The following MED19 variants were observed in gnomAD, a reference collection of about 807,000 sequenced individuals.
The protein encoded by MED19 is mediator complex subunit 19, also known as mediator of RNA polymerase II transcription subunit 19.
A neutral mutation model predicts 19.9 loss-of-function variants in MED19; 4 were observed. The observed-to-expected ratio is 0.20, with a 90% CI of 0.10 to 0.46. The LOEUF (loss-of-function observed/expected upper bound fraction) is 0.46. Ranked by LOEUF, MED19 falls within the 20% of genes least tolerant of loss-of-function variation. The pLI is 0.99. For missense variants in MED19, 303 were observed against 318.7 expected, an observed-to-expected ratio of 0.95 and a Z score of 0.38; for synonymous variants, 139 against 119.6, an observed-to-expected ratio of 1.16 and a Z score of -1.06.
intron 1 of MED19, 64 bp from the exon 2 acceptor site, chr11:57,705,293 C>T (rs1189958476): frequency 1.3e-6 from 2 of 1,531,780 alleles, no homozygotes; most frequent in Admixed American, 2.0e-5. Flanking sequence ...GAGTGAAGGA[C>T]TATATATTAA....
chr11:57,704,223 C>T (rs1946480897), intron 4 of MED19, 79 bp downstream of exon 4: 2 of 1,525,994 alleles, frequency 1.3e-6, no homozygotes, highest in Non-Finnish European at 1.7e-6. Context: ...CAACTTGAGG[C>T]AAAGAACTCT....
chr11:57,705,200 G>A (rs1232652780), exon 2 of MED19: 3 of 1,614,180 alleles, frequency 1.9e-6, no homozygotes, highest in Middle Eastern at 1.6e-4. Context: ...TGTGTGATCA[G>A]ATTCGTGCTG....
At chr11:57,706,424 A>G (rs1946508528) in intron 1 of MED19, among the ~76,000 whole-genome samples, 1 of 150,570 alleles carries the variant, frequency 6.6e-6, no homozygotes, top group Non-Finnish European at 1.5e-5. Flanking sequence ...AAGTGCCGGG[A>G]TTACAGGTGT....
chr11:57,707,503 T>C (rs190863893), intron 1 of MED19, among the ~76,000 whole-genome samples: 1 of 152,320 alleles, frequency 6.6e-6, no homozygotes, highest in African/African-American at 2.4e-5. Flanking sequence ...AGTACACACA[T>C]TAGGTGCTTA....
exon 5 of MED19, chr11:57,703,935 C>T: frequency 4.8e-6 from 7 of 1,466,246 alleles, no homozygotes; most frequent in African/African-American, 1.4e-5. Context: ...GTCCCAGCTG[C>T]AGGATGCTCC....
chr11:57,704,895 G>A, intron 2 of MED19, 78 bp downstream of exon 2: 2 of 1,605,308 alleles, frequency 1.2e-6, no homozygotes, highest in Non-Finnish European at 1.7e-6. Context: ...GCTCCATTAT[G>A]AAGGAACAGA....
intron 2 of MED19, 71 bp from the exon 3 acceptor site, chr11:57,704,886 C>T: frequency 6.2e-7 from 1 of 1,606,130 alleles, no homozygotes; most frequent in South Asian, 1.1e-5. Flanking sequence ...ATCCATTCTG[C>T]TCCATTATGA....
rs574648403 is a variant in MED19, at chr11:57,710,604, G to A, written c.217+1359C>T. 2.5e-4 allele frequency among the ~76,000 whole-genome samples: 38 copies of A among 152,154 alleles called. 1 individual carries two copies. In the South Asian group the frequency reaches 5.2e-3, roughly 21 times the overall value. Reference sequence around the variant, plus strand: ...TTGTCTCTCCCTCCTGTCCATACATGGCTGGCCCTTTGTCTATGCTTACAT... The same window carrying A: ...TTGTCTCTCCCTCCTGTCCATACATAGCTGGCCCTTTGTCTATGCTTACAT... On this transcript the variant is annotated intron_variant, in intron 1 of 4. Transcript: ENST00000431606.
chr11:57,709,509 C>T (rs963570489), intron 1 of MED19, among the ~76,000 whole-genome samples: 1 of 152,060 alleles, frequency 6.6e-6, no homozygotes, highest in African/African-American at 2.4e-5. Context: ...TTATTCAAGC[C>T]GAAAACTTAA....
intron 1 of MED19, among the ~76,000 whole-genome samples, chr11:57,709,479 C>T (rs1438736554): frequency 6.6e-6 from 1 of 152,032 alleles, no homozygotes; most frequent in East Asian, 1.9e-4. Context: ...TCTTCCAAGT[C>T]TCCGTACCCA....
At chr11:57,709,111 GT>G (rs748067509) in intron 1 of MED19, among the ~76,000 whole-genome samples, 52 of 152,348 alleles carry the variant, frequency 3.4e-4, no homozygotes, top group Middle Eastern at 6.8e-3. Flanking sequence ...GCTGGGCGCA[GT>G]GGCTCACGCC....
chr11:57,704,881 T>G, intron 2 of MED19, 66 bp from the exon 3 acceptor site: 1 of 1,607,910 alleles, frequency 6.2e-7, no homozygotes, highest in Non-Finnish European at 8.5e-7. Flanking sequence ...TTATCATCCA[T>G]TCTGCTCCAT....
rs1166112545 is a variant in MED19, at chr11:57,711,954, A to C, written c.217+9T>G. On this transcript the variant is annotated intron_variant, in intron 1 of 4. Coordinates refer to ENST00000431606, the Ensembl canonical transcript of MED19. ...TGATTGGCTGGCTTTGGCAAGGCCG[A>C]GTACTCACCTGGCAGTTCCCTCATG... 4 of 1,434,756 alleles carry C rather than the reference A, an allele frequency of 2.8e-6. No individual in the cohort carries two copies. Among genetic ancestry groups the C allele is most frequent in the Admixed American group, 2.9e-5 (1 of 34,526 alleles). 88.9% of individuals were successfully genotyped at this position (1,434,756 alleles called of 1,614,324 possible). A position where few individuals can be genotyped will look rare whatever the true frequency, so the allele number is the denominator to read the frequency against.
chr11:57,708,789 G>A (rs1946533742), intron 1 of MED19, among the ~76,000 whole-genome samples: 1 of 152,004 alleles, frequency 6.6e-6, no homozygotes, highest in Non-Finnish European at 1.5e-5. Context: ...TTCAATATCT[G>A]TCAACTGACT....
intron 1 of MED19, among the ~76,000 whole-genome samples, chr11:57,710,313 G>T (rs1946551148): frequency 6.6e-6 from 1 of 152,214 alleles, no homozygotes; most frequent in African/African-American, 2.4e-5. Context: ...AGTGAGCTAT[G>T]ATTATACCAC....
chr11:57,704,566 C>T (rs1946484265), intron 3 of MED19, 153 bp downstream of exon 3: 2 of 1,596,100 alleles, frequency 1.3e-6, no homozygotes, highest in Admixed American at 1.8e-5. Flanking sequence ...CAAGAGACCA[C>T]AGTACATTGG....
intron 4 of MED19, 84 bp from the exon 5 acceptor site, chr11:57,704,190 C>T (rs1946480525): frequency 1.3e-6 from 2 of 1,527,588 alleles, no homozygotes; most frequent in Non-Finnish European, 1.7e-6. Flanking sequence ...CTGCAACCTG[C>T]CTTGGGTTTT....
chr11:57,712,138 T>C, exon 1 of MED19: 2 of 1,531,196 alleles, frequency 1.3e-6, no homozygotes, highest in East Asian at 2.5e-5. Context: ...GGGGCGGTGG[T>C]GGGTCAGCCT....
chr11:57,712,139 G>A, exon 1 of MED19: 4 of 1,532,476 alleles, frequency 2.6e-6, no homozygotes, highest in Non-Finnish European at 2.6e-6. Context: ...GGGCGGTGGT[G>A]GGTCAGCCTG....
Sources: allele counts gnomAD v4.1 joint callset (sites outside exome capture counted in the v4.1 genomes callset), GRCh38; gene constraint gnomAD v4.1.1; transcripts MANE v1.5; gene names NCBI Gene and HGNC (gene_info 2026-07-23, HGNC 2026-07-21).